The following NREP variants were observed in gnomAD, a reference collection of about 807,000 sequenced individuals.
NREP encodes neuronal regeneration related protein.
In NREP, 5 loss-of-function variants were observed where a neutral mutation model predicts 8.6. That is an observed-to-expected ratio of 0.58 (90% confidence interval 0.30 to 1.22). The LOEUF (loss-of-function observed/expected upper bound fraction) is 1.22. NREP is among the 50% of genes most tolerant of loss of function. The probability of loss-of-function intolerance (pLI) is 0.07; values close to 1 mark genes in which losing one functional copy is unlikely to be tolerated. For synonymous variants in NREP, 27 were observed against 28.0 expected, an observed-to-expected ratio of 0.96 and a Z score of 0.11; for missense variants, 86 against 82.5, an observed-to-expected ratio of 1.04 and a Z score of -0.17.
intron 2 of NREP, among the ~76,000 whole-genome samples, chr5:111,889,525 C>T (rs1754343114): frequency 1.3e-5 from 2 of 152,314 alleles, no homozygotes; most frequent in South Asian, 4.1e-4. Context: ...GTCCTTCTCA[C>T]ATTGCAAAAT....
chr5:111,857,356 A>G (rs1375233078), intron 2 of NREP, among the ~76,000 whole-genome samples: 1 of 152,248 alleles, frequency 6.6e-6, no homozygotes, highest in Non-Finnish European at 1.5e-5. Context: ...AGGAGAGCAG[A>G]ATCCAAAAGC....
chr5:111,788,117 G>A (rs1751655531), intron 2 of NREP, among the ~76,000 whole-genome samples: 2 of 152,020 alleles, frequency 1.3e-5, no homozygotes, highest in Non-Finnish European at 2.9e-5. Context: ...AAAATCAAAA[G>A]AAAAGAGAAA....
chr5:111,909,484 A>G (rs1053397683), intron 2 of NREP, among the ~76,000 whole-genome samples: 29 of 152,090 alleles, frequency 1.9e-4, no homozygotes, highest in African/African-American at 6.5e-4. Context: ...TTAAAATAAA[A>G]TGCAATCAGC....
intron 2 of NREP, among the ~76,000 whole-genome samples, chr5:111,954,228 G>T (rs1179095977): frequency 6.6e-6 from 1 of 151,958 alleles, no homozygotes; most frequent in Non-Finnish European, 1.5e-5. Context: ...GGTGAAAGAG[G>T]GATTTTATAT....
intron 2 of NREP, among the ~76,000 whole-genome samples, chr5:111,957,681 A>T (rs934126546): frequency 7.2e-5 from 11 of 151,850 alleles, no homozygotes; most frequent in African/African-American, 2.7e-4. Context: ...AAGCAAGTCC[A>T]ACTTCATGTG....
chr5:111,941,961 G>A (rs1189312994), intron 2 of NREP, among the ~76,000 whole-genome samples: 6 of 151,944 alleles, frequency 3.9e-5, no homozygotes, highest in African/African-American at 1.5e-4. Context: ...CACCGTGTGT[G>A]GACTCTGAAT....
intron 2 of NREP, among the ~76,000 whole-genome samples, chr5:111,972,978 C>T (rs1344371771): frequency 2.6e-5 from 4 of 152,138 alleles, no homozygotes; most frequent in African/African-American, 7.2e-5. Context: ...AAATCAAGTA[C>T]GGGGCCCCTT....
chr5:111,915,688 A>G (rs1040452710), intron 2 of NREP, among the ~76,000 whole-genome samples: 2 of 152,120 alleles, frequency 1.3e-5, no homozygotes, highest in African/African-American at 4.8e-5. Context: ...ACATGCACCT[A>G]CACATAAAAC....
chr5:111,759,171 G>A (rs999843249), upstream of NREP, among the ~76,000 whole-genome samples: 2 of 152,148 alleles, frequency 1.3e-5, no homozygotes, highest in African/African-American at 4.8e-5. Flanking sequence ...ACCCCAACAC[G>A]CTGCTCAAGG....
intron 2 of NREP, among the ~76,000 whole-genome samples, chr5:111,830,066 C>A (rs914660977): frequency 2.6e-5 from 4 of 152,158 alleles, no homozygotes; most frequent in Non-Finnish European, 5.9e-5. Context: ...AGCCCATGGC[C>A]CACAGGCTGC....
intron 2 of NREP, among the ~76,000 whole-genome samples, chr5:111,797,121 A>T (rs1216555643): frequency 6.6e-6 from 1 of 151,174 alleles, no homozygotes; most frequent in Non-Finnish European, 1.5e-5. Flanking sequence ...ATTTCAAAAA[A>T]CATCACTGGT....
chr5:111,838,595 T>C (rs1010375980), intron 2 of NREP, among the ~76,000 whole-genome samples: 2 of 152,090 alleles, frequency 1.3e-5, no homozygotes, highest in East Asian at 1.9e-4. Context: ...CTGCTTCAAA[T>C]CTATAGCAGC....
At chr5:111,843,003 T>A (rs1753068645) in intron 2 of NREP, among the ~76,000 whole-genome samples, 1 of 152,168 alleles carries the variant, frequency 6.6e-6, no homozygotes, top group Non-Finnish European at 1.5e-5. Context: ...AAAAGTTTGA[T>A]TACAATGTGT....
intron 2 of NREP, among the ~76,000 whole-genome samples, chr5:111,798,797 A>C (rs551572899): frequency 6.7e-6 from 1 of 150,132 alleles, no homozygotes; most frequent in East Asian, 2.0e-4. Flanking sequence ...GTATACATAT[A>C]TATCACAGTT....
chr5:111,840,069 T>G (rs1406506277), intron 2 of NREP, among the ~76,000 whole-genome samples: 2 of 152,116 alleles, frequency 1.3e-5, no homozygotes, highest in Non-Finnish European at 2.9e-5. Context: ...GTGATTTAAG[T>G]ATAATGACAT....
intron 2 of NREP, among the ~76,000 whole-genome samples, chr5:111,949,559 C>T (rs1756094862): frequency 6.6e-6 from 1 of 151,876 alleles, no homozygotes; most frequent in Non-Finnish European, 1.5e-5. Context: ...ATACATGTGC[C>T]ATGGTGGTTT....
chr5:111,948,543 T>C (rs959059870), intron 2 of NREP, among the ~76,000 whole-genome samples: 1 of 152,126 alleles, frequency 6.6e-6, no homozygotes, highest in Non-Finnish European at 1.5e-5. Context: ...ATGTGTCTTA[T>C]GTACCCAGTA....
At chr5:111,869,904 A>C (rs781212228) in intron 2 of NREP, among the ~76,000 whole-genome samples, 3 of 152,222 alleles carry the variant, frequency 2.0e-5, no homozygotes, top group Non-Finnish European at 4.4e-5. Context: ...ATGTATCTGC[A>C]GCTGAGTCAA....
At chr5:111,804,706 AAAAC>A (rs1370164973) in intron 2 of NREP, among the ~76,000 whole-genome samples, 6 of 152,038 alleles carry the variant, frequency 3.9e-5, no homozygotes, top group Non-Finnish European at 5.9e-5. Flanking sequence ...AGAGAAAAAA[AAAAC>A]AAACAAACAG....
Sources: allele counts gnomAD v4.1 joint callset (sites outside exome capture counted in the v4.1 genomes callset), GRCh38; gene constraint gnomAD v4.1.1; transcripts MANE v1.5; gene names NCBI Gene and HGNC (gene_info 2026-07-23, HGNC 2026-07-21).